TTPAL: variants seen among roughly 807,000 people sequenced by gnomAD.
TTPAL encodes the protein alpha tocopherol transfer protein like.
A neutral mutation model predicts 28.7 loss-of-function variants in TTPAL; 21 were observed. The ratio of observed to expected loss-of-function variants is 0.73; its 90% CI spans 0.52 to 1.06. The LOEUF (loss-of-function observed/expected upper bound fraction) is 1.06. TTPAL is among the 50% of genes least tolerant of loss of function. The pLI is 0.00. For missense variants in TTPAL, 345 were observed against 425.5 expected, an observed-to-expected ratio of 0.81 and a Z score of 1.67; for synonymous variants, 169 against 171.9, an observed-to-expected ratio of 0.98 and a Z score of 0.13.
At chr20:44,487,330 T>C (rs1307019318) in intron 4 of TTPAL, among the ~76,000 whole-genome samples, 1 of 151,770 alleles carries the variant, frequency 6.6e-6, no homozygotes, top group African/African-American at 2.4e-5. Flanking sequence ...TAGTCTCCAC[T>C]ACTCAGGAGG....
At position 44,481,053 on chromosome 20, in the gene TTPAL, G is replaced by A. The variant is rs148602504; in HGVS notation, c.445+609G>A. Among the ~76,000 whole-genome samples, 1,304 of 152,282 alleles carry A rather than the reference G, an allele frequency of 8.6e-3. 6 individuals are homozygous for A. The highest frequency in any genetic ancestry group is 0.012 in the Non-Finnish European group (804 of 68,028). On this transcript the variant is annotated intron_variant, in intron 2 of 4. Coordinates refer to ENST00000262605, the MANE Select transcript of TTPAL (RefSeq NM_001039199.3). ...GTATCAGTGCAAGGGTGCGGACTGGGCAGACACCTGGAAAGGTGCCTCCTC... is the reference window on the plus strand; with the variant it reads ...GTATCAGTGCAAGGGTGCGGACTGGACAGACACCTGGAAAGGTGCCTCCTC...
In TTPAL at chr20:44,483,375, G is replaced by A. The variant is rs572513129; in HGVS notation, c.446-962G>A. ...GGGGCCCGTGAATCTCAGACTCACC[G>A]CCTCAAAACTACAAGAGGGAAGACA... On this transcript the variant is annotated intron_variant, in intron 2 of 4. Transcript: ENST00000262605. Among the ~76,000 whole-genome samples the A allele has an allele frequency of 5.5e-4, 83 of 152,204 alleles. 1 individual carries two copies. Among genetic ancestry groups the A allele is most frequent in the Non-Finnish European group, 8.7e-4 (59 of 68,000 alleles).
chr20:44,490,639 G>A lies in TTPAL; in HGVS notation c.*1098G>A, dbSNP rs2064196640. 6.6e-6 allele frequency: 1 copy of A among 152,248 alleles called. No homozygotes were observed. The highest frequency in any genetic ancestry group is 1.5e-5 in the Non-Finnish European group (1 of 68,024). The allele number at this position is 152,248 out of a possible 1,614,324, so 9.4% of individuals were successfully genotyped here. Reference sequence around the variant, plus strand: ...CACTGACACCAATTTTCTTTTTATAGTGATGGTTCAATTTTGAAAAGATGG... The same window carrying A: ...CACTGACACCAATTTTCTTTTTATAATGATGGTTCAATTTTGAAAAGATGG... On this transcript the variant is annotated 3_prime_UTR_variant, in exon 5 of 5. Coordinates refer to ENST00000262605, the MANE Select transcript of TTPAL (RefSeq NM_001039199.3).
chr20:44,485,535 T>C (rs2064143857), intron 3 of TTPAL, among the ~76,000 whole-genome samples: 1 of 152,128 alleles, frequency 6.6e-6, no homozygotes. Context: ...ACCGGTGGTA[T>C]AGTAGCTCTT....
At chr20:44,487,405 T>C (rs1224576733) in intron 4 of TTPAL, among the ~76,000 whole-genome samples, 1 of 152,184 alleles carries the variant, frequency 6.6e-6, no homozygotes, top group Non-Finnish European at 1.5e-5. Flanking sequence ...CAATGGGCTA[T>C]GGTCTTGCCA....
intron 1 of TTPAL, among the ~76,000 whole-genome samples, chr20:44,479,768 C>CTGCT (rs1468214903): frequency 6.6e-6 from 1 of 152,144 alleles, no homozygotes; most frequent in African/African-American, 2.4e-5. Flanking sequence ...AGTGTATAGT[C>CTGCT]TGCTGTAGCT....
chr20:44,483,811 T>C (rs1420660585), intron 2 of TTPAL, among the ~76,000 whole-genome samples: 1 of 152,068 alleles, frequency 6.6e-6, no homozygotes, highest in East Asian at 1.9e-4. Context: ...CTTTTTTTTA[T>C]ATTTTTGAGA....
rs2064220950 is a variant in TTPAL at position 44,492,914 on chromosome 20, A to G, written c.*3373A>G. The G allele has an allele frequency of 6.6e-6, 1 of 152,310 alleles. No individual in the cohort carries two copies. Among genetic ancestry groups the G allele is most frequent in the Admixed American group, 6.5e-5 (1 of 15,276 alleles). The allele number at this position is 152,310 out of a possible 1,614,324, so 9.4% of individuals were successfully genotyped here. A position where few individuals can be genotyped will look rare whatever the true frequency, so the allele number is the denominator to read the frequency against. ...TATTCTATTGCTGCTGCAAAAATTA[A>G]GGCAAAAGTAGCTTTCGATCTTTCA... is the stretch of plus-strand genomic sequence containing the variant. On this transcript the variant is annotated 3_prime_UTR_variant, in exon 5 of 5. Coordinates refer to ENST00000262605, the MANE Select transcript of TTPAL (RefSeq NM_001039199.3).
At position 44,479,399 on chromosome 20, in the gene TTPAL, G is replaced by GTT. The variant is rs869123576; in HGVS notation, c.-15-558_-15-557dup. Among the ~76,000 whole-genome samples, 49 of 81,558 alleles carry GTT rather than the reference G, an allele frequency of 6.0e-4. 1 individual carries two copies. Among genetic ancestry groups the GTT allele is most frequent in the Non-Finnish European group, 7.6e-4 (30 of 39,484 alleles). The allele number at this position is 81,558 out of a possible 152,430, so 53.5% of individuals were successfully genotyped here. ...ATTTTTGCCAATCTGAATCTGAGTTGTTTTTTTTTTTTTTTTTTTTTTTTT... is the reference window on the plus strand; with the variant it reads ...ATTTTTGCCAATCTGAATCTGAGTTGTTTTTTTTTTTTTTTTTTTTTTTTTTT... On this transcript the variant is annotated intron_variant, in intron 1 of 4. Transcript: ENST00000262605.
intron 3 of TTPAL, chr20:44,485,827 A>C (rs2064146877): frequency 6.6e-6 from 1 of 152,194 alleles, no homozygotes; most frequent in African/African-American, 2.4e-5. Context: ...CTTTCTTGTG[A>C]ATTTCACTGT....
intron 2 of TTPAL, among the ~76,000 whole-genome samples, chr20:44,483,978 C>A (rs977559797): frequency 6.6e-6 from 1 of 152,118 alleles, no homozygotes; most frequent in African/African-American, 2.4e-5. Flanking sequence ...ATTTTGTAGA[C>A]ATGGGGTTTC....
intron 1 of TTPAL, among the ~76,000 whole-genome samples, chr20:44,478,472 A>T (rs996997266): frequency 1.3e-5 from 2 of 152,254 alleles, no homozygotes; most frequent in Non-Finnish European, 2.9e-5. Flanking sequence ...CTAGAGGGAC[A>T]GCCACTGGGG....
chr20:44,484,385 T>C lies in TTPAL; in HGVS notation c.494T>C (p.Ile165Thr). The C allele has an allele frequency of 6.2e-7, 1 of 1,600,650 alleles. No homozygotes were observed. Among genetic ancestry groups the C allele is most frequent in the East Asian group, 2.2e-5 (1 of 44,576 alleles). ...NYPITENIRA[I>T]YLTLEKLIQS... ...CCAATTACTGAAAACATCCGAGCCA[T>C]ATACTTGACCTTAGAAAAACTCATT... Residue 165 changes from isoleucine (I) to threonine (T), a missense_variant, in exon 3 of 5, where the codon ATA (isoleucine) becomes ACA (threonine). Ile to Thr is a moderately conservative substitution (Grantham distance 89). Transcript: ENST00000262605.
rs2064194688 is a variant in TTPAL, at chr20:44,490,465, G to C, written c.*924G>C. On this transcript the variant is annotated 3_prime_UTR_variant, in exon 5 of 5. Coordinates refer to ENST00000262605, the MANE Select transcript of TTPAL (RefSeq NM_001039199.3). ...GGCTCTGGGATTTGGTTTAGTTACTGAATGTTAGATTTTCTGCCTAGAAAG... is the reference window on the plus strand; with the variant it reads ...GGCTCTGGGATTTGGTTTAGTTACTCAATGTTAGATTTTCTGCCTAGAAAG... 6.6e-6 allele frequency: 1 copy of C among 152,326 alleles called. No individual in the cohort carries two copies. The highest frequency in any genetic ancestry group is 6.5e-5 in the Admixed American group (1 of 15,268). 9.4% of individuals were successfully genotyped at this position (152,326 alleles called of 1,614,324 possible). A position where few individuals can be genotyped will look rare whatever the true frequency, so the allele number is the denominator to read the frequency against.
At chr20:44,484,577 C>T (rs758616590) in intron 3 of TTPAL, 47 bp downstream of exon 3, 1 of 1,423,078 alleles carries the variant, frequency 7.0e-7, no homozygotes, top group Non-Finnish European at 9.6e-7. Flanking sequence ...CTCTGGCTTT[C>T]CCCAGGGCCT....
chr20:44,477,331 T>C (rs1033500721), intron 1 of TTPAL, among the ~76,000 whole-genome samples: 4 of 152,204 alleles, frequency 2.6e-5, no homozygotes, highest in Non-Finnish European at 5.9e-5. Flanking sequence ...ATTCAACAAA[T>C]ATTTATGGAG....
Position 44,479,990 on chromosome 20 carries a change from T to G in TTPAL, c.-10T>G. The G allele has an allele frequency of 1.2e-6, 2 of 1,610,628 alleles. No homozygotes were observed. The highest frequency in any genetic ancestry group is 1.7e-6 in the Non-Finnish European group (2 of 1,177,768). Reference sequence around the variant, plus strand: ...TAGGGCTTCTCTGTTGGCAGGGACCTTGGTAGCTAATGTCCGAAGAAAGTG... The same window carrying G: ...TAGGGCTTCTCTGTTGGCAGGGACCGTGGTAGCTAATGTCCGAAGAAAGTG... On this transcript the variant is annotated 5_prime_UTR_variant, in exon 2 of 5. Transcript: ENST00000262605.
intron 3 of TTPAL, 88 bp downstream of exon 3, chr20:44,484,618 C>G (rs1600791110): frequency 1.0e-6 from 1 of 958,798 alleles, no homozygotes; most frequent in Non-Finnish European, 1.5e-6. Context: ...ACATGATACA[C>G]AAACTGCACA....
At chr20:44,485,584 C>T (rs998599283) in intron 3 of TTPAL, among the ~76,000 whole-genome samples, 9 of 152,224 alleles carry the variant, frequency 5.9e-5, no homozygotes, top group African/African-American at 2.2e-4. Flanking sequence ...CTGTGGTGCA[C>T]CAGGTTTATT....
Sources: gnomAD v4.1 joint callset for allele counts (sites outside exome capture counted in the v4.1 genomes callset) on GRCh38, gnomAD v4.1.1 for gene constraint, MANE v1.5 for transcripts, NCBI Gene and HGNC (gene_info 2026-07-23, HGNC 2026-07-21) for gene names.